CRPPA: variants seen among roughly 807,000 people sequenced by gnomAD.
CRPPA encodes the protein CDP-L-ribitol pyrophosphorylase A.
CRPPA carries 43 observed loss-of-function variants against 52.0 expected under a neutral mutation model. The observed-to-expected ratio is 0.83, with a 90% CI of 0.65 to 1.07. The LOEUF is 1.07. CRPPA is among the 50% of genes least tolerant of loss of function. The pLI is 0.00. For synonymous variants in CRPPA, 250 were observed against 203.5 expected (o/e 1.23, Z -1.94); for missense variants, 629 against 551.7 (o/e 1.14, Z -1.40).
At chr7:16,407,974 G>A (rs976262474) in intron 1 of CRPPA, among the ~76,000 whole-genome samples, 49 of 151,902 alleles carry the variant, frequency 3.2e-4, no homozygotes, top group African/African-American at 1.1e-3. Context: ...CAGGTGTAGT[G>A]GCACGCAACT....
At chr7:16,237,527 G>A (rs1002134034) in intron 8 of CRPPA, 3 of 152,054 alleles carry the variant, frequency 2.0e-5, no homozygotes, top group Non-Finnish European at 4.4e-5. Flanking sequence ...ATCATTATGG[G>A]GGTTAACCAT....
rs755810682 is a variant in CRPPA, at chr7:16,216,059, T to C, written c.1251+7A>G. 1.3e-6 allele frequency: 2 copies of C among 1,574,734 alleles called. No homozygotes were observed. Among genetic ancestry groups the C allele is most frequent in the South Asian group, 1.2e-5 (1 of 84,920 alleles). ...ACATACATTCGGAAGATAAACATTT[T>C]ACCTACCTGTGGGTAAGATATGAGA... On this transcript the variant is annotated splice_region_variant and intron_variant, in intron 9 of 9. Coordinates refer to ENST00000407010, the MANE Select transcript of CRPPA (RefSeq NM_001101426.4).
At chr7:16,158,432 GGAATAC>G (rs1358524518) in intron 9 of CRPPA, among the ~76,000 whole-genome samples, 3 of 151,966 alleles carry the variant, frequency 2.0e-5, no homozygotes, top group Non-Finnish European at 4.4e-5. Context: ...ATTTCTAAAT[GGAATAC>G]AGTTACTTTA....
chr7:16,262,163 A>G (rs1357832482), intron 6 of CRPPA: 1 of 152,192 alleles, frequency 6.6e-6, no homozygotes, highest in Non-Finnish European at 1.5e-5. Flanking sequence ...GATCAAATAG[A>G]ATTAGTTCAA....
rs1032989225 is a variant in CRPPA, at chr7:16,134,349, T to A, written c.1252-42550A>T. On this transcript the variant is annotated intron_variant, in intron 9 of 9. Coordinates refer to ENST00000407010, the MANE Select transcript of CRPPA (RefSeq NM_001101426.4). ...CAGGCTACAGACCACTACCAGCCCA[T>A]AGCCTGTTAGAACCTAATGATAAAT... is the stretch of plus-strand genomic sequence containing the variant. Among the ~76,000 whole-genome samples the A allele has an allele frequency of 3.7e-4, 31 of 83,456 alleles. 10 individuals carry two copies. The highest frequency in any genetic ancestry group is 7.4e-4 in the Admixed American group (6 of 8,072). The allele number at this position is 83,456 out of a possible 152,430, so 54.8% of individuals were successfully genotyped here.
chr7:16,231,343 T>G (rs1782790390), intron 8 of CRPPA, among the ~76,000 whole-genome samples: 1 of 152,206 alleles, frequency 6.6e-6, no homozygotes, highest in Non-Finnish European at 1.5e-5. Flanking sequence ...TTGATGTTTC[T>G]GGTGGTGGGG....
intron 9 of CRPPA, among the ~76,000 whole-genome samples, chr7:16,199,450 C>T (rs1781802643): frequency 1.3e-5 from 2 of 152,024 alleles, no homozygotes; most frequent in Admixed American, 1.3e-4. Context: ...AAAATTTTCC[C>T]AATAAAATGG....
intron 9 of CRPPA, among the ~76,000 whole-genome samples, chr7:16,105,286 G>T (rs923354979): frequency 6.6e-6 from 1 of 152,184 alleles, no homozygotes; most frequent in Non-Finnish European, 1.5e-5. Flanking sequence ...AGAAACGAAT[G>T]AAGTTACAAT....
chr7:16,267,998 C>G (rs1783997554), intron 6 of CRPPA, among the ~76,000 whole-genome samples: 1 of 151,954 alleles, frequency 6.6e-6, no homozygotes. Context: ...TTAGAGCACC[C>G]ATAAATTGTG....
rs1273366781 is a variant in CRPPA at position 16,091,495 on chromosome 7, AT to A, written c.*199del. 3 of 436,692 alleles carry A rather than the reference AT, an allele frequency of 6.9e-6. No individual in the cohort carries two copies. The highest frequency in any genetic ancestry group is 6.3e-5 in the African/African-American group (3 of 47,968). 27.1% of individuals were successfully genotyped at this position (436,692 alleles called of 1,614,324 possible). ...TTTTTTTCTGGTTCAGGCAATTAAT[AT>A]TTGTCATACACAAAAGTATTCTTTA... On this transcript the variant is annotated 3_prime_UTR_variant, in exon 10 of 10. Transcript: ENST00000407010.
chr7:16,105,086 C>T (rs906524582), intron 9 of CRPPA, among the ~76,000 whole-genome samples: 1 of 152,018 alleles, frequency 6.6e-6, no homozygotes, highest in Non-Finnish European at 1.5e-5. Flanking sequence ...GGAGAGAAAA[C>T]ACAACAGATT....
At chr7:16,371,514 C>T (rs1786747911) in intron 3 of CRPPA, among the ~76,000 whole-genome samples, 1 of 151,474 alleles carries the variant, frequency 6.6e-6, no homozygotes, top group South Asian at 2.1e-4. Context: ...AAAGTCAGAT[C>T]CTTGAAAGGG....
chr7:16,378,878 T>C (rs1232866266), intron 2 of CRPPA, among the ~76,000 whole-genome samples: 1 of 152,246 alleles, frequency 6.6e-6, no homozygotes, highest in African/African-American at 2.4e-5. Flanking sequence ...TGAGCATTTT[T>C]TCATGTGTTT....
chr7:16,087,823 T>C lies in CRPPA; in HGVS notation c.*3872A>G, dbSNP rs140374329. On this transcript the variant is annotated 3_prime_UTR_variant, in exon 10 of 10. Transcript: ENST00000407010. ...CTTCTATCTTTCTTCTTGCATATGG[T>C]TGACATTTTAATTAAGATGTTAGAT... 7.6e-4 allele frequency: 115 copies of C among 152,300 alleles called. No homozygotes were observed. Among genetic ancestry groups the C allele is most frequent in the African/African-American group, 2.6e-3 (108 of 41,576 alleles). The allele number at this position is 152,300 out of a possible 1,614,324, so 9.4% of individuals were successfully genotyped here. A position where few individuals can be genotyped will look rare whatever the true frequency, so the allele number is the denominator to read the frequency against.
chr7:16,196,218 G>C (rs1781730536), intron 9 of CRPPA, among the ~76,000 whole-genome samples: 1 of 152,124 alleles, frequency 6.6e-6, no homozygotes, highest in South Asian at 2.1e-4. Context: ...TCCTAATCTA[G>C]TTCAGTCACT....
chr7:16,116,675 A>AAGGGAAGGAAAGGGAAGGGAAG (rs6150004), intron 9 of CRPPA, among the ~76,000 whole-genome samples: 1 of 96,620 alleles, frequency 1.0e-5, no homozygotes, highest in African/African-American at 3.5e-5. Context: ...AAAAAAAAAA[A>AAGGGAAGGAAAGGGAAGGGAAG]GGAAAGGAAA....
At chr7:16,116,595 G>C (rs1159665145) in intron 9 of CRPPA, among the ~76,000 whole-genome samples, 1 of 145,810 alleles carries the variant, frequency 6.9e-6, no homozygotes, top group Non-Finnish European at 1.5e-5. Flanking sequence ...CCAGGAGATG[G>C]AGGTTGCAGT....
Position 16,421,150 on chromosome 7 carries a change from TC to T in CRPPA, c.172del (p.Glu58ArgfsTer33). 1 of 1,332,394 alleles carries T rather than the reference TC, an allele frequency of 7.5e-7. No individual in the cohort carries two copies. The highest frequency in any genetic ancestry group is 9.7e-7 in the Non-Finnish European group (1 of 1,036,152). The allele number at this position is 1,332,394 out of a possible 1,614,324, so 82.5% of individuals were successfully genotyped here. On this transcript the variant is annotated frameshift_variant, in exon 1 of 10. Coordinates refer to ENST00000407010, the MANE Select transcript of CRPPA (RefSeq NM_001101426.4). LOFTEE classifies it high-confidence loss of function. ...CTTCGGGGTGGGGACCCCCATCCTC[TC>T]CCCGCACCCCCCGGCAGGCAACACA... is the stretch of plus-strand genomic sequence containing the variant. ...AAVLPAGGCG[E>X]RMGVPTPKQF... is the part of the protein sequence containing the mutation.
chr7:16,318,136 G>A (rs896276160), intron 3 of CRPPA, among the ~76,000 whole-genome samples: 3 of 151,936 alleles, frequency 2.0e-5, no homozygotes, highest in East Asian at 1.9e-4. Flanking sequence ...ATCCAACCCC[G>A]TGAAACCTCC....
Sources: gnomAD v4.1 joint callset for allele counts (sites outside exome capture counted in the v4.1 genomes callset) on GRCh38, gnomAD v4.1.1 for gene constraint, MANE v1.5 for transcripts, NCBI Gene and HGNC (gene_info 2026-07-23, HGNC 2026-07-21) for gene names.